The following GRID2 variants were observed in gnomAD, a reference collection of about 807,000 sequenced individuals.
The protein encoded by GRID2 is glutamate ionotropic receptor delta type subunit 2, also known as glutamate receptor ionotropic, delta-2.
A neutral mutation model predicts 114.8 loss-of-function variants in GRID2; 33 were observed. The ratio of observed to expected loss-of-function variants is 0.29; its 90% confidence interval spans 0.22 to 0.38. The LOEUF (loss-of-function observed/expected upper bound fraction) is 0.38, where lower values mean the gene tolerates loss of function less well. Among genes scored for constraint, GRID2 ranks in the 10% least tolerant of loss-of-function variants. GRID2 has a pLI of 1.00. For synonymous variants in GRID2, 505 were observed against 449.9 expected, an observed-to-expected ratio of 1.12 and a Z score of -1.55; for missense variants, 1,184 against 1,257.7, an observed-to-expected ratio of 0.94 and a Z score of 0.89.
chr4:93,614,235 T>G (rs13111971), intron 13 of GRID2, among the ~76,000 whole-genome samples: 1 of 152,184 alleles, frequency 6.6e-6, no homozygotes, highest in Non-Finnish European at 1.5e-5. Flanking sequence ...GGGATGAACC[T>G]GGTACCTCAG....
At chr4:93,646,575 A>C (rs1361329973) in intron 14 of GRID2, among the ~76,000 whole-genome samples, 1 of 152,176 alleles carries the variant, frequency 6.6e-6, no homozygotes, top group Non-Finnish European at 1.5e-5. Context: ...ATTTTTAAAG[A>C]AGCATTTTTT....
chr4:93,235,149 T>A (rs1307825520), intron 7 of GRID2, among the ~76,000 whole-genome samples: 1 of 152,216 alleles, frequency 6.6e-6, no homozygotes, highest in East Asian at 1.9e-4. Flanking sequence ...AACCTCTGAT[T>A]CTCTTCTTTT....
At chr4:92,600,646 C>T (rs569030839) in intron 2 of GRID2, among the ~76,000 whole-genome samples, 173 of 152,262 alleles carry the variant, frequency 1.1e-3, no homozygotes, top group African/African-American at 4.1e-3. Flanking sequence ...TTCTGTAGGG[C>T]TGCTGTGGTT....
At chr4:93,756,116 T>C (rs1202329140) in intron 14 of GRID2, among the ~76,000 whole-genome samples, 1 of 152,208 alleles carries the variant, frequency 6.6e-6, no homozygotes, top group Non-Finnish European at 1.5e-5. Flanking sequence ...AACATTTATA[T>C]GTATCCTAGT....
At position 93,148,501 on chromosome 4, in the gene GRID2, C is replaced by T. The variant is rs762221499; in HGVS notation, c.735+37548C>T. Among the ~76,000 whole-genome samples the T allele has an allele frequency of 3.3e-5, 5 of 152,066 alleles. No homozygotes were observed. The South Asian group carries it at 1.0e-3, about 31-fold the overall frequency. On this transcript the variant is annotated intron_variant, in intron 4 of 15. Coordinates refer to ENST00000282020, the MANE Select transcript of GRID2 (RefSeq NM_001510.4). ...TAATAATTAACTTCAAAACCTAATT[C>T]TTCTTTATGTATTTTATGGCAGTAA...
intron 2 of GRID2, among the ~76,000 whole-genome samples, chr4:92,654,920 T>A (rs890889146): frequency 6.6e-6 from 1 of 152,016 alleles, no homozygotes; most frequent in African/African-American, 2.4e-5. Context: ...CTCATTAAAA[T>A]TTTGCCTGTG....
chr4:92,914,614 T>C lies in GRID2; in HGVS notation c.245-170381T>C, dbSNP rs998868756. ...GGCCCTAGTGTATGTTGTTCCCCTG[T>C]ATGTGTTTGTGTGTTCTTATCATTT... is the stretch of plus-strand genomic sequence containing the variant. On this transcript the variant is annotated intron_variant, in intron 2 of 15. Coordinates refer to ENST00000282020, the MANE Select transcript of GRID2 (RefSeq NM_001510.4). 5.3e-5 allele frequency among the ~76,000 whole-genome samples: 8 copies of C among 152,190 alleles called. No homozygotes were observed. In the South Asian group the frequency reaches 1.7e-3, roughly 32 times the overall value.
chr4:93,295,015 T>C (rs1754145177), intron 8 of GRID2, among the ~76,000 whole-genome samples: 1 of 152,156 alleles, frequency 6.6e-6, no homozygotes, highest in Admixed American at 6.5e-5. Context: ...GAAGGACAGG[T>C]GTCCTTTACT....
chr4:93,028,520 C>T (rs1724092984), intron 2 of GRID2, among the ~76,000 whole-genome samples: 1 of 151,972 alleles, frequency 6.6e-6, no homozygotes, highest in South Asian at 2.1e-4. Context: ...CGTGATTAGG[C>T]AGATGATGAA....
intron 2 of GRID2, among the ~76,000 whole-genome samples, chr4:92,932,193 T>C (rs1278370765): frequency 6.6e-6 from 1 of 151,328 alleles, no homozygotes; most frequent in Non-Finnish European, 1.5e-5. Flanking sequence ...TCCAAAATAT[T>C]TAAACAACTT....
intron 4 of GRID2, among the ~76,000 whole-genome samples, chr4:93,192,861 C>A (rs190710331): frequency 6.6e-6 from 1 of 152,000 alleles, no homozygotes; most frequent in East Asian, 1.9e-4. Context: ...AACAAGCCTG[C>A]CGAACTAAGG....
At chr4:93,108,115 A>G (rs937440195) in intron 3 of GRID2, among the ~76,000 whole-genome samples, 2 of 152,066 alleles carry the variant, frequency 1.3e-5, no homozygotes, top group Non-Finnish European at 2.9e-5. Context: ...ATTTGCTTGG[A>G]TAATGTCTTC....
At chr4:93,317,632 CTGT>C (rs1161768487) in intron 8 of GRID2, among the ~76,000 whole-genome samples, 1 of 151,940 alleles carries the variant, frequency 6.6e-6, no homozygotes, top group Non-Finnish European at 1.5e-5. Context: ...ATTTAATTTC[CTGT>C]TGTTATTTTA....
At chr4:92,830,491 A>AT (rs1324653300) in intron 2 of GRID2, among the ~76,000 whole-genome samples, 1 of 152,094 alleles carries the variant, frequency 6.6e-6, no homozygotes, top group Non-Finnish European at 1.5e-5. Context: ...TCTTCTAGAT[A>AT]TTTTTTATTT....
intron 1 of GRID2, among the ~76,000 whole-genome samples, chr4:92,447,727 A>G (rs1416218758): frequency 6.6e-6 from 1 of 152,206 alleles, no homozygotes; most frequent in Non-Finnish European, 1.5e-5. Context: ...GTTCACAGAC[A>G]GTACCTTCTA....
At position 93,626,434 on chromosome 4, in the gene GRID2, A is replaced by G; in HGVS notation, c.2359A>G (p.Arg787Gly). ...GSPYRDVFSQ[R>G]ILELQQNGDM... ...TCCTTACCGAGATGTTTTTTCACAAAGGTAAGATTTGTGTATGACCAAATA... is the reference window on the plus strand; with the variant it reads ...TCCTTACCGAGATGTTTTTTCACAAGGGTAAGATTTGTGTATGACCAAATA... Residue 787 changes from arginine (R) to glycine (G), a missense_variant and splice_region_variant, in exon 14 of 16, where the codon AGG becomes GGG. By Grantham distance (125) the Arg-to-Gly change is moderately radical. Coordinates refer to ENST00000282020, the MANE Select transcript of GRID2 (RefSeq NM_001510.4). 1 of 1,600,102 alleles carries G rather than the reference A, an allele frequency of 6.2e-7. No homozygotes were observed.
At chr4:93,231,915 T>A (rs1746193717) in intron 7 of GRID2, among the ~76,000 whole-genome samples, 1 of 152,164 alleles carries the variant, frequency 6.6e-6, no homozygotes, top group Admixed American at 6.6e-5. Context: ...GAAAATAGAT[T>A]AGAAATATTT....
At chr4:93,255,949 G>A (rs11945536) in intron 8 of GRID2, among the ~76,000 whole-genome samples, 107,246 of 151,890 alleles carry the variant, frequency 0.71, 38,640 homozygotes, top group Middle Eastern at 0.86. Context: ...ATAGTTTATT[G>A]AAGTCCAAGA....
At position 92,434,339 on chromosome 4, in the gene GRID2, A is replaced by C. The variant is rs541370312; in HGVS notation, c.88+129595A>C. Among the ~76,000 whole-genome samples the C allele has an allele frequency of 2.6e-5, 4 of 152,326 alleles. No individual in the cohort carries two copies. In the South Asian group the frequency reaches 8.3e-4, roughly 32 times the overall value. On this transcript the variant is annotated intron_variant, in intron 1 of 15. Coordinates refer to ENST00000282020, the MANE Select transcript of GRID2 (RefSeq NM_001510.4). ...AGGCATTTCCTCACTGACTGGATCA[A>C]GGAGTATGTGTATATTTGGGATTTG...
Sources: gnomAD v4.1 joint callset for allele counts (sites outside exome capture counted in the v4.1 genomes callset) on GRCh38, gnomAD v4.1.1 for gene constraint, MANE v1.5 for transcripts, NCBI Gene and HGNC (gene_info 2026-07-23, HGNC 2026-07-21) for gene names.